ZNF527: variants seen among roughly 807,000 people sequenced by gnomAD.
ZNF527 encodes the protein zinc finger protein 527.
A neutral mutation model predicts 13.5 loss-of-function variants in ZNF527; 5 were observed. The ratio of observed to expected loss-of-function variants is 0.37; its 90% CI spans 0.19 to 0.78. ZNF527 has a LOEUF of 0.78. ZNF527 is among the 30% of genes least tolerant of loss of function. The probability of loss-of-function intolerance (pLI) is 0.48; values close to 1 mark genes in which losing one functional copy is unlikely to be tolerated. For synonymous variants in ZNF527, 209 were observed against 243.1 expected, an observed-to-expected ratio of 0.86 and a Z score of 1.30; for missense variants, 628 against 726.4, an observed-to-expected ratio of 0.86 and a Z score of 1.56.
At chr19:37,373,611 G>T (rs2040576360) in intron 1 of ZNF527, among the ~76,000 whole-genome samples, 3 of 152,066 alleles carry the variant, frequency 2.0e-5, no homozygotes, top group Admixed American at 1.3e-4. Flanking sequence ...TAAATGCTGA[G>T]AAAAAAATAA....
At chr19:37,385,120 G>A (rs1232785413) in intron 4 of ZNF527, 1 of 459,618 alleles carries the variant, frequency 2.2e-6, no homozygotes, top group East Asian at 3.2e-5. Flanking sequence ...TTCCACTTTT[G>A]GAGAATTAGA....
rs1397998996 is a variant in ZNF527, at chr19:37,388,797, G to C, written c.748G>C (p.Asp250His). Reference protein sequence around the residue: ...PPGEKPYESHDFSKLLSFHSL... With the variant: ...PPGEKPYESHHFSKLLSFHSL... ...TGGGGAGAAACCTTATGAAAGTCAT[G>C]ATTTTTCAAAGCTCTTAAGTTTCCA... Residue 250 changes from aspartate (D) to histidine (H), a missense_variant, in exon 5 of 5, where the codon GAT (aspartate) becomes CAT (histidine). By Grantham distance (81) the Asp-to-His change is moderately conservative (BLOSUM62 -1). Coordinates refer to ENST00000436120, the MANE Select transcript of ZNF527 (RefSeq NM_032453.2). The C allele has an allele frequency of 6.2e-7, 1 of 1,613,046 alleles. No individual in the cohort carries two copies. Among genetic ancestry groups the C allele is most frequent in the African/African-American group, 1.3e-5 (1 of 74,932 alleles).
chr19:37,379,460 C>CTTTT (rs34967980), intron 3 of ZNF527: 27 of 161,074 alleles, frequency 1.7e-4, no homozygotes, highest in Middle Eastern at 2.6e-3. Context: ...GAAGTAATTT[C>CTTTT]TTTTTTTTTT....
intron 2 of ZNF527, among the ~76,000 whole-genome samples, chr19:37,375,338 TCCTTTC>T (rs2040598027): frequency 8.6e-6 from 1 of 115,898 alleles, no homozygotes; most frequent in Admixed American, 8.7e-5. Context: ...TTTCTTTCTT[TCCTTTC>T]TTTCCTTTCT....
At chr19:37,374,019 C>T (rs915729251) in intron 1 of ZNF527, 139 bp from the exon 2 acceptor site, 32 of 498,626 alleles carry the variant, frequency 6.4e-5, no homozygotes, top group Admixed American at 6.2e-4. Flanking sequence ...GATTCCACCC[C>T]GCCACCCTGG....
At chr19:37,373,933 A>G (rs1245698668) in intron 1 of ZNF527, among the ~76,000 whole-genome samples, 2 of 152,154 alleles carry the variant, frequency 1.3e-5, no homozygotes, top group African/African-American at 2.4e-5. Context: ...CGTAGGACAG[A>G]CTTTGGATTT....
In ZNF527 at chr19:37,380,336, A is replaced by C. The variant is rs1480064131; in HGVS notation, c.220A>C (p.Met74Leu). 1.2e-6 allele frequency: 2 copies of C among 1,613,986 alleles called. No homozygotes were observed. Among genetic ancestry groups the C allele is most frequent in the African/African-American group, 1.3e-5 (1 of 74,926 alleles). Residue 74 changes from methionine to leucine, a missense_variant, in exon 4 of 5, where the codon ATG becomes CTG. Met to Leu is a conservative substitution (Grantham distance 15). Transcript: ENST00000436120. ...SLLEQGKEPW[M>L]VERKMSQGHC... ...ACTGGAGCAAGGGAAGGAACCGTGG[A>C]TGGTGGAGAGAAAGATGTCACAGGG...
chr19:37,375,420 G>A (rs959831177), intron 2 of ZNF527, among the ~76,000 whole-genome samples: 9 of 146,644 alleles, frequency 6.1e-5, no homozygotes, highest in African/African-American at 1.5e-4. Flanking sequence ...GGAGTGCAAT[G>A]GCGCAATCTC....
At chr19:37,373,139 G>A (rs144281030) in intron 1 of ZNF527, among the ~76,000 whole-genome samples, 1 of 152,134 alleles carries the variant, frequency 6.6e-6, no homozygotes, top group Non-Finnish European at 1.5e-5. Context: ...TAGTTTTGTG[G>A]AGCAGTAGTA....
intron 1 of ZNF527, among the ~76,000 whole-genome samples, chr19:37,373,218 C>T (rs2040572989): frequency 6.6e-6 from 1 of 152,154 alleles, no homozygotes; most frequent in Non-Finnish European, 1.5e-5. Context: ...TATCTTTGTG[C>T]TAATACGGCT....
Position 37,389,063 on chromosome 19 carries a change from T to C in ZNF527, c.1014T>C (p.Ala338=), listed in dbSNP as rs115804236. Residue 338 remains alanine (A), a synonymous_variant, in exon 5 of 5, where the codon GCT becomes GCC. Coordinates refer to ENST00000436120, the MANE Select transcript of ZNF527 (RefSeq NM_032453.2). ...ATGAATGTAAGGAATGTAACAAAGC[T>C]TTCAGACAGAGTGCTCACCTTGCTC... is the stretch of plus-strand genomic sequence containing the variant. The part of the protein sequence containing the change: ...KPYECKECNK[A]FRQSAHLAQH... 5.6e-3 allele frequency: 9,029 copies of C among 1,614,184 alleles called. 253 individuals are homozygous for C. The Admixed American group carries it at 0.063, about 11-fold the overall frequency.
intron 4 of ZNF527, among the ~76,000 whole-genome samples, chr19:37,386,140 C>CTTTTTTTTTTTTTTTTTTTTTTTTTT (rs1050024983): frequency 2.8e-5 from 2 of 72,464 alleles, no homozygotes; most frequent in African/African-American, 6.7e-5. Context: ...TCTTCTTTTC[C>CTTTTTTTTTTTTTTTTTTTTTTTTTT]TTTTTTTTTT....
At chr19:37,382,763 A>C (rs2040664474) in intron 4 of ZNF527, among the ~76,000 whole-genome samples, 1 of 152,176 alleles carries the variant, frequency 6.6e-6, no homozygotes, top group Non-Finnish European at 1.5e-5. Flanking sequence ...GCTGGAGTGC[A>C]GTGGGCAATC....
At chr19:37,379,365 TC>T in intron 3 of ZNF527, 119 bp downstream of exon 3, 1 of 954,010 alleles carries the variant, frequency 1.0e-6, no homozygotes, top group Admixed American at 2.8e-5. Flanking sequence ...CCTTTCTACT[TC>T]CTGTTCCCAG....
chr19:37,375,262 CTT>C (rs2040590510), intron 2 of ZNF527, among the ~76,000 whole-genome samples: 2 of 117,294 alleles, frequency 1.7e-5, no homozygotes, highest in African/African-American at 7.3e-5. Context: ...TTCTTTCTTT[CTT>C]TCTTTCTTTC....
rs986499182 is a variant in ZNF527, at chr19:37,384,896, G to T, written c.257-3410G>T. ...CTCACTCTGTTGCCCAGGCTGGAGTGCAGTGGCATGATCTTGGCTCACTGC... is the reference window on the plus strand; with the variant it reads ...CTCACTCTGTTGCCCAGGCTGGAGTTCAGTGGCATGATCTTGGCTCACTGC... On this transcript the variant is annotated intron_variant, in intron 4 of 4. Coordinates refer to ENST00000436120, the MANE Select transcript of ZNF527 (RefSeq NM_032453.2). 3 of 701,174 alleles carry T rather than the reference G, an allele frequency of 4.3e-6. No individual in the cohort carries two copies. The African/African-American group carries it at 5.3e-5, about 12-fold the overall frequency. 43.4% of individuals were successfully genotyped at this position (701,174 alleles called of 1,614,324 possible).
chr19:37,374,060 T>C lies in ZNF527; in HGVS notation c.-41-98T>C, dbSNP rs1226476185. ...TCTTGGAAAAGGTGAGGCTGGCCCA[T>C]GTAGGGAGAAGAAAGGGGCAGTAGT... On this transcript the variant is annotated intron_variant, in intron 1 of 4. Coordinates refer to ENST00000436120, the MANE Select transcript of ZNF527 (RefSeq NM_032453.2). 5.1e-6 allele frequency: 4 copies of C among 781,028 alleles called. No homozygotes were observed. In the Admixed American group the frequency reaches 8.5e-5, roughly 17 times the overall value. 48.4% of individuals were successfully genotyped at this position (781,028 alleles called of 1,614,324 possible). A position where few individuals can be genotyped will look rare whatever the true frequency, so the allele number is the denominator to read the frequency against.
At chr19:37,376,139 A>G (rs1448939035) in intron 2 of ZNF527, among the ~76,000 whole-genome samples, 1 of 151,944 alleles carries the variant, frequency 6.6e-6, no homozygotes, top group Non-Finnish European at 1.5e-5. Context: ...AAGACCAGTT[A>G]TGTATGCAGG....
chr19:37,390,034 C>CTTT lies in ZNF527; in HGVS notation c.*165_*167dup, dbSNP rs33996770. ...GTAGCTCAGTAGTAGACATCTGTTA[C>CTTT]TTTTTTTTTTTTCAGACAGAGTCTC... On this transcript the variant is annotated 3_prime_UTR_variant, in exon 5 of 5. Transcript: ENST00000436120. The CTTT allele has an allele frequency of 0.016, 12,327 of 751,618 alleles. 225 individuals carry two copies. Among genetic ancestry groups the CTTT allele is most frequent in the African/African-American group, 0.094 (5,025 of 53,210 alleles). The allele number at this position is 751,618 out of a possible 1,614,324, so 46.6% of individuals were successfully genotyped here.
Sources: allele counts gnomAD v4.1 joint callset (sites outside exome capture counted in the v4.1 genomes callset), GRCh38; gene constraint gnomAD v4.1.1; transcripts MANE v1.5; gene names NCBI Gene and HGNC (gene_info 2026-07-23, HGNC 2026-07-21).